Variants in HDHD2 observed in about 807,000 individuals in gnomAD.
HDHD2 encodes haloacid dehalogenase-like hydrolase domain-containing protein 2.
In HDHD2, 26 loss-of-function variants were observed where a neutral mutation model predicts 24.8. The ratio of observed to expected loss-of-function variants is 1.05; its 90% CI spans 0.77 to 1.45. HDHD2 has a LOEUF of 1.45. Among genes scored for constraint, HDHD2 ranks in the 40% most tolerant of loss-of-function variants. The probability of loss-of-function intolerance (pLI) is 0.00; values close to 1 mark genes in which losing one functional copy is unlikely to be tolerated. For missense variants in HDHD2, 299 were observed against 313.4 expected, an observed-to-expected ratio of 0.95 and a Z score of 0.35; for synonymous variants, 128 against 114.9, an observed-to-expected ratio of 1.11 and a Z score of -0.73.
At chr18:47,112,183 A>G (rs1042353251) in intron 6 of HDHD2, among the ~76,000 whole-genome samples, 42 of 152,220 alleles carry the variant, frequency 2.8e-4, no homozygotes, top group African/African-American at 9.6e-4. Context: ...AACAGATCTT[A>G]TGCCTGTTCT....
chr18:47,110,683 C>T, intron 6 of HDHD2: 1 of 985,342 alleles, frequency 1.0e-6, no homozygotes, highest in Non-Finnish European at 1.2e-6. Flanking sequence ...ATGGAGCTGC[C>T]TGCATTGCTC....
chr18:47,137,006 C>A, intron 1 of HDHD2: 1 of 648,486 alleles, frequency 1.5e-6, no homozygotes, highest in Non-Finnish European at 2.9e-6. Context: ...TGAGGAGACT[C>A]TGGCAGTCAC....
At chr18:47,143,356 G>T (rs1041129693) in intron 1 of HDHD2, among the ~76,000 whole-genome samples, 1 of 152,038 alleles carries the variant, frequency 6.6e-6, no homozygotes, top group African/African-American at 2.4e-5. Context: ...CTGGGATTGC[G>T]TAAGCCCAGG....
At chr18:47,117,436 C>T (rs2063566775) in intron 4 of HDHD2, among the ~76,000 whole-genome samples, 1 of 152,096 alleles carries the variant, frequency 6.6e-6, no homozygotes. Flanking sequence ...GGCCCCCTTC[C>T]CTCTCTTGTG....
At position 47,150,382 on chromosome 18, in the gene HDHD2, A is replaced by G. The variant is rs2063919683; in HGVS notation, c.-15T>C. ...AGTCCTACAGCGGCTTCTCACCCAC[A>G]CTCCGTACGCCGTCCTCAGGAAAGG... On this transcript the variant is annotated 5_prime_UTR_variant, in exon 1 of 7. Coordinates refer to ENST00000300605, the MANE Select transcript of HDHD2 (RefSeq NM_032124.5). 1 of 151,936 alleles carries G rather than the reference A, an allele frequency of 6.6e-6. No individual in the cohort carries two copies. Among genetic ancestry groups the G allele is most frequent in the Non-Finnish European group, 1.5e-5 (1 of 68,104 alleles). The allele number at this position is 151,936 out of a possible 1,614,324, so 9.4% of individuals were successfully genotyped here. A position where few individuals can be genotyped will look rare whatever the true frequency, so the allele number is the denominator to read the frequency against.
chr18:47,115,022 T>G (rs1471394174), intron 5 of HDHD2, 110 bp downstream of exon 5: 2 of 736,414 alleles, frequency 2.7e-6, no homozygotes, highest in Non-Finnish European at 4.7e-6. Flanking sequence ...ATATATATAC[T>G]GTCCACATTG....
chr18:47,122,877 A>T (rs1325483617), intron 4 of HDHD2, among the ~76,000 whole-genome samples: 1 of 152,132 alleles, frequency 6.6e-6, no homozygotes, highest in Non-Finnish European at 1.5e-5. Context: ...ATTTCTAGTT[A>T]TAATCAGAAT....
At chr18:47,121,137 T>C (rs1447028862) in intron 4 of HDHD2, among the ~76,000 whole-genome samples, 4 of 149,240 alleles carry the variant, frequency 2.7e-5, no homozygotes, top group East Asian at 2.0e-4. Context: ...TGAAGCGCGA[T>C]AATGCAAAGT....
chr18:47,113,319 T>G (rs979209050), intron 5 of HDHD2, among the ~76,000 whole-genome samples: 1 of 152,226 alleles, frequency 6.6e-6, no homozygotes, highest in Non-Finnish European at 1.5e-5. Flanking sequence ...TTCTCTATGC[T>G]TTGCCACACC....
At chr18:47,113,099 A>T (rs2063529088) in intron 5 of HDHD2, 59 bp from the exon 6 acceptor site, 2 of 1,386,934 alleles carry the variant, frequency 1.4e-6, no homozygotes, top group Non-Finnish European at 2.1e-6. Flanking sequence ...GCCAACAAAC[A>T]TTACCAACTG....
intron 4 of HDHD2, among the ~76,000 whole-genome samples, chr18:47,120,866 C>A (rs1297529231): frequency 6.6e-6 from 1 of 152,080 alleles, no homozygotes; most frequent in Non-Finnish European, 1.5e-5. Flanking sequence ...GTGAAGCGGT[C>A]AGAACACACA....
At chr18:47,114,340 T>C (rs921100243) in intron 5 of HDHD2, among the ~76,000 whole-genome samples, 78 of 152,220 alleles carry the variant, frequency 5.1e-4, no homozygotes, top group African/African-American at 1.8e-3. Context: ...TAATTAGCTA[T>C]GGGAATTCAG....
intron 6 of HDHD2, chr18:47,110,069 T>C (rs948393074): frequency 1.0e-5 from 10 of 985,348 alleles, no homozygotes; most frequent in Admixed American, 6.1e-5. Context: ...CATCCCTTTG[T>C]GGTCTCTATT....
chr18:47,115,943 A>G (rs542984285), intron 4 of HDHD2, among the ~76,000 whole-genome samples: 1 of 152,314 alleles, frequency 6.6e-6, no homozygotes, highest in African/African-American at 2.4e-5. Flanking sequence ...TTTCCTGAAG[A>G]AAAAGATTTA....
At chr18:47,146,229 C>CAA (rs61430354) in intron 1 of HDHD2, among the ~76,000 whole-genome samples, 636 of 58,816 alleles carry the variant, frequency 0.011, 7 homozygotes, top group African/African-American at 0.031. Context: ...GAATGTGTCT[C>CAA]AAAAAAAAAA....
At position 47,130,328 on chromosome 18, in the gene HDHD2, C is replaced by A; in HGVS notation, c.311G>T (p.Gly104Val). The A allele has an allele frequency of 1.3e-6, 2 of 1,569,502 alleles. No homozygotes were observed. The highest frequency in any genetic ancestry group is 1.7e-6 in the Non-Finnish European group (2 of 1,157,210). Reference sequence around the variant, plus strand: ...AGCATTAGGATCACTTGTTTGTATTCCTGGGAACGGAAAAAAAAAATGATT... The same window carrying A: ...AGCATTAGGATCACTTGTTTGTATTACTGGGAACGGAAAAAAAAAATGATT... ...VDDRALPDFK[G>V]IQTSDPNAVV... Residue 104 changes from glycine to valine, a missense_variant and splice_region_variant, in exon 4 of 7, where the codon GGA (glycine) becomes GTA (valine). By Grantham distance (109) the Gly-to-Val change is moderately radical. Coordinates refer to ENST00000300605, the MANE Select transcript of HDHD2 (RefSeq NM_032124.5).
chr18:47,124,909 A>T (rs1178697350), intron 4 of HDHD2, among the ~76,000 whole-genome samples: 3 of 152,154 alleles, frequency 2.0e-5, no homozygotes, highest in Non-Finnish European at 2.9e-5. Flanking sequence ...TCACACCTGT[A>T]ATCCCAGCAC....
intron 1 of HDHD2, chr18:47,137,302 G>A (rs971310168): frequency 2.8e-5 from 12 of 425,664 alleles, no homozygotes; most frequent in African/African-American, 8.2e-5. Flanking sequence ...GGTGTCTAGC[G>A]AAAAGGGAAC....
At position 47,134,587 on chromosome 18, in the gene HDHD2, G is replaced by A. The variant is rs2063745467; in HGVS notation, c.219C>T (p.Phe73=). 3 of 1,613,870 alleles carry A rather than the reference G, an allele frequency of 1.9e-6. No individual in the cohort carries two copies. The highest frequency in any genetic ancestry group is 1.3e-5 in the African/African-American group (1 of 74,924). The change falls in exon 3 of 7, where the codon TTC becomes TTT. Residue 73 remains phenylalanine (F), a synonymous_variant. Coordinates refer to ENST00000300605, the MANE Select transcript of HDHD2 (RefSeq NM_032124.5). ...LEFDISEDEI[F]TSLTAARSLL... ...AACTTCTGGCTGCAGTCAGAGATGTGAATATTTCATCTTCAGAGATATCAA... is the reference window on the plus strand; with the variant it reads ...AACTTCTGGCTGCAGTCAGAGATGTAAATATTTCATCTTCAGAGATATCAA...
Sources: gnomAD v4.1 joint callset for allele counts (sites outside exome capture counted in the v4.1 genomes callset) on GRCh38, gnomAD v4.1.1 for gene constraint, MANE v1.5 for transcripts, NCBI Gene and HGNC (gene_info 2026-07-23, HGNC 2026-07-21) for gene names.